Variants in ESR1 observed in about 807,000 individuals in gnomAD.
ESR1 encodes the protein estrogen receptor.
A neutral mutation model predicts 52.7 loss-of-function variants in ESR1; 12 were observed. That is an observed-to-expected ratio of 0.23 (90% CI 0.15 to 0.37). The LOEUF (loss-of-function observed/expected upper bound fraction) is 0.37. ESR1 is among the 10% of genes least tolerant of loss of function. ESR1 has a pLI of 1.00. For synonymous variants in ESR1, 305 were observed against 316.8 expected, an observed-to-expected ratio of 0.96 and a Z score of 0.39; for missense variants, 584 against 779.7, an observed-to-expected ratio of 0.75 and a Z score of 2.99.
intron 2 of ESR1, among the ~76,000 whole-genome samples, chr6:151,793,246 A>C (rs1430095044): frequency 6.6e-6 from 1 of 151,814 alleles, no homozygotes. Flanking sequence ...AGGCCTACCC[A>C]GGGTCAGGAT....
intron 2 of ESR1, among the ~76,000 whole-genome samples, chr6:151,768,007 AG>A (rs1785205210): frequency 6.6e-6 from 1 of 152,204 alleles, no homozygotes; most frequent in Admixed American, 6.5e-5. Flanking sequence ...TCCAGGAAAA[AG>A]GTAAGGTATG....
intron 6 of ESR1, chr6:152,121,953 A>AT (rs2051487525): frequency 6.1e-6 from 1 of 164,728 alleles, no homozygotes; most frequent in African/African-American, 2.4e-5. Context: ...AAGCTGCCAT[A>AT]TAAGCTCTTA....
At chr6:151,710,117 G>T (rs187556877) in intron 2 of ESR1, among the ~76,000 whole-genome samples, 464 of 151,972 alleles carry the variant, frequency 3.1e-3, no homozygotes, top group Middle Eastern at 6.8e-3. Context: ...TCAATTTAAA[G>T]ATTTTTTTTC....
At chr6:151,958,993 T>C (rs966470711) in intron 4 of ESR1, among the ~76,000 whole-genome samples, 7 of 152,014 alleles carry the variant, frequency 4.6e-5, no homozygotes, top group South Asian at 2.1e-4. Context: ...TGTGTGTGTG[T>C]GCGTGTGTGT....
intron 1 of ESR1, among the ~76,000 whole-genome samples, chr6:151,827,319 AG>A (rs1781659701): frequency 6.9e-6 from 1 of 144,286 alleles, no homozygotes; most frequent in African/African-American, 2.6e-5. Context: ...AGATCATGTC[AG>A]GGTGACAGAG....
intron 5 of ESR1, among the ~76,000 whole-genome samples, chr6:152,050,208 T>C (rs1001362992): frequency 1.3e-5 from 2 of 152,246 alleles, no homozygotes; most frequent in African/African-American, 4.8e-5. Flanking sequence ...TCTGCTTGGC[T>C]GGGAACATGC....
At chr6:151,793,067 C>T (rs1371495413) in intron 2 of ESR1, among the ~76,000 whole-genome samples, 6 of 150,950 alleles carry the variant, frequency 4.0e-5, no homozygotes, top group African/African-American at 7.3e-5. Flanking sequence ...GCTACTCGGG[C>T]GGCTGAGGCA....
intron 2 of ESR1, among the ~76,000 whole-genome samples, chr6:151,703,129 G>A (rs191321105): frequency 5.9e-4 from 90 of 152,250 alleles, no homozygotes; most frequent in African/African-American, 2.1e-3. Flanking sequence ...TACTCAGCGT[G>A]GTAATTTCCT....
At position 151,771,808 on chromosome 6, in the gene ESR1, C is replaced by A. The variant is rs112277987; in HGVS notation, c.-70-36035C>A. On this transcript the variant is annotated intron_variant, in intron 2 of 2. Coordinates refer to the ESR1 transcript ENST00000404742. ...TTACCCACTTCTGTATTGTTTGAATCTTTAAAATGAACAAGTGTTATTTTG... is the reference window on the plus strand; with the variant it reads ...TTACCCACTTCTGTATTGTTTGAATATTTAAAATGAACAAGTGTTATTTTG... 6.3e-4 allele frequency among the ~76,000 whole-genome samples: 96 copies of A among 152,050 alleles called. 2 individuals are homozygous for A. The highest frequency in any genetic ancestry group is 2.2e-3 in the African/African-American group (93 of 41,478).
At chr6:151,659,168 C>T (rs1198743947) in intron 1 of ESR1, among the ~76,000 whole-genome samples, 1 of 152,174 alleles carries the variant, frequency 6.6e-6, no homozygotes, top group Non-Finnish European at 1.5e-5. Flanking sequence ...CATGTGCCAC[C>T]ATGCCCAGCT....
intron 2 of ESR1, among the ~76,000 whole-genome samples, chr6:151,778,380 T>C (rs1286685046): frequency 6.6e-6 from 1 of 151,768 alleles, no homozygotes; most frequent in Non-Finnish European, 1.5e-5. Context: ...CTAAAAATCA[T>C]GCATTTTATG....
chr6:151,789,531 G>T (rs371614903), intron 2 of ESR1, among the ~76,000 whole-genome samples: 27 of 152,254 alleles, frequency 1.8e-4, no homozygotes, highest in African/African-American at 5.8e-4. Context: ...AATGATAGAC[G>T]CAAATTCCTT....
intron 6 of ESR1, among the ~76,000 whole-genome samples, chr6:152,090,554 C>G (rs907567569): frequency 6.6e-6 from 1 of 152,230 alleles, no homozygotes; most frequent in Non-Finnish European, 1.5e-5. Flanking sequence ...CCTAGTTGTA[C>G]TAGAGCTTCC....
chr6:151,808,113 C>T lies in ESR1; in HGVS notation c.201C>T (p.Ala67=), dbSNP rs1374312584. 9 of 1,610,950 alleles carry T rather than the reference C, an allele frequency of 5.6e-6. No homozygotes were observed. Among genetic ancestry groups the T allele is most frequent in the South Asian group, 2.2e-5 (2 of 90,654 alleles). ...CCTACGAGTTCAACGCCGCGGCCGCCGCCAACGCGCAGGTCTACGGTCAGA... is the reference window on the plus strand; with the variant it reads ...CCTACGAGTTCAACGCCGCGGCCGCTGCCAACGCGCAGGTCTACGGTCAGA... ...GAAYEFNAAA[A]ANAQVYGQTG... The change falls in exon 1 of 8, where the codon GCC becomes GCT. Residue 67 remains alanine (A), a synonymous_variant. Transcript: ENST00000206249.
At chr6:151,938,156 A>G (rs895458345) in intron 3 of ESR1, among the ~76,000 whole-genome samples, 1 of 152,248 alleles carries the variant, frequency 6.6e-6, no homozygotes, top group Admixed American at 6.5e-5. Flanking sequence ...CTAATAATAC[A>G]TGAACGTAGT....
At chr6:151,756,309 G>A (rs1034991763) in intron 2 of ESR1, among the ~76,000 whole-genome samples, 6 of 151,996 alleles carry the variant, frequency 3.9e-5, no homozygotes, top group South Asian at 2.1e-4. Context: ...GCGCAGTGGC[G>A]CAATCTTGGC....
At position 152,100,950 on chromosome 6, in the gene ESR1, G is replaced by A. The variant is rs2050945317; in HGVS notation, c.*1984G>A. ...ATATTTTTTTGAAATTACATTGCTT[G>A]TTTATCAGACAATTGAATGTAGTAA... On this transcript the variant is annotated 3_prime_UTR_variant, in exon 8 of 8. Coordinates refer to ENST00000206249, the MANE Select transcript of ESR1 (RefSeq NM_000125.4). 4.4e-6 allele frequency: 1 copy of A among 225,938 alleles called. No individual in the cohort carries two copies. Among genetic ancestry groups the A allele is most frequent in the Non-Finnish European group, 8.8e-6 (1 of 114,014 alleles). 14.0% of individuals were successfully genotyped at this position (225,938 alleles called of 1,614,324 possible).
intron 2 of ESR1, among the ~76,000 whole-genome samples, chr6:151,713,182 T>G (rs1780756525): frequency 6.6e-6 from 1 of 152,218 alleles, no homozygotes; most frequent in Non-Finnish European, 1.5e-5. Context: ...ATCCCAGGGA[T>G]GAAGCTGACT....
chr6:151,972,839 G>A (rs1006537224), intron 4 of ESR1, among the ~76,000 whole-genome samples: 1 of 152,216 alleles, frequency 6.6e-6, no homozygotes, highest in African/African-American at 2.4e-5. Context: ...AAGCAGGGAA[G>A]CCAAAAGTGC....
Sources: gnomAD v4.1 joint callset for allele counts (sites outside exome capture counted in the v4.1 genomes callset) on GRCh38, gnomAD v4.1.1 for gene constraint, MANE v1.5 for transcripts, NCBI Gene and HGNC (gene_info 2026-07-23, HGNC 2026-07-21) for gene names.